GATAD2A: variants seen among roughly 807,000 people sequenced by gnomAD.
GATAD2A encodes the protein transcriptional repressor p66-alpha.
GATAD2A carries 12 observed loss-of-function variants against 68.5 expected under a neutral mutation model. The ratio of observed to expected loss-of-function variants is 0.18; its 90% confidence interval spans 0.11 to 0.28. The LOEUF is 0.28. Ranked by LOEUF, GATAD2A falls within the 10% of genes least tolerant of loss-of-function variation. The probability of loss-of-function intolerance (pLI) is 1.00; values close to 1 mark genes in which losing one functional copy is unlikely to be tolerated. For synonymous variants in GATAD2A, 410 were observed against 375.3 expected, an observed-to-expected ratio of 1.09 and a Z score of -1.07; for missense variants, 755 against 868.5, an observed-to-expected ratio of 0.87 and a Z score of 1.64.
intron 1 of GATAD2A, chr19:19,436,261 C>T (rs774509369): frequency 1.2e-5 from 13 of 1,092,196 alleles, no homozygotes; most frequent in Admixed American, 9.6e-5. Flanking sequence ...GAAGGTTCCA[C>T]GCATCCAGCA....
At chr19:19,410,926 G>A (rs902020660) in intron 1 of GATAD2A, among the ~76,000 whole-genome samples, 1 of 152,178 alleles carries the variant, frequency 6.6e-6, no homozygotes. Flanking sequence ...GCAAATGATC[G>A]ACCCCAGTGC....
chr19:19,433,387 G>A (rs1367254321), intron 1 of GATAD2A, among the ~76,000 whole-genome samples: 2 of 152,106 alleles, frequency 1.3e-5, no homozygotes, highest in Non-Finnish European at 2.9e-5. Context: ...CCAAATTTGT[G>A]CCTGTTTTTC....
chr19:19,399,275 T>A (rs1203407505), intron 1 of GATAD2A, among the ~76,000 whole-genome samples: 5 of 152,002 alleles, frequency 3.3e-5, no homozygotes, highest in African/African-American at 7.2e-5. Context: ...AGGGTCTCAT[T>A]CTGTTGCCCA....
chr19:19,445,853 A>G (rs867564825), intron 1 of GATAD2A, among the ~76,000 whole-genome samples: 2 of 152,256 alleles, frequency 1.3e-5, no homozygotes, highest in South Asian at 2.1e-4. Context: ...CTTTTTGGCT[A>G]TTGTGGATAA....
In GATAD2A at chr19:19,399,379, C is replaced by T. The variant is rs145100703; in HGVS notation, c.-7+13241C>T. Among the ~76,000 whole-genome samples, 59 of 151,966 alleles carry T rather than the reference C, an allele frequency of 3.9e-4. No individual in the cohort carries two copies. In the East Asian group the frequency reaches 4.5e-3, roughly 11 times the overall value. On this transcript the variant is annotated intron_variant, in intron 1 of 11. Coordinates refer to the GATAD2A transcript ENST00000360315. ...ATTTTTGTATTCTTTTTTGTAGGGA[C>T]GGGGTTTTGCCATGTTGCCCAGGCT...
At chr19:19,492,485 C>G in intron 3 of GATAD2A, 47 bp downstream of exon 3, 1 of 1,612,914 alleles carries the variant, frequency 6.2e-7, no homozygotes, top group Non-Finnish European at 8.5e-7. Context: ...TGTGCCCTTC[C>G]TACTCATGAC....
intron 1 of GATAD2A, among the ~76,000 whole-genome samples, chr19:19,424,662 C>A (rs1156251446): frequency 2.0e-5 from 3 of 152,114 alleles, no homozygotes; most frequent in Non-Finnish European, 2.9e-5. Flanking sequence ...CATGAGCCAT[C>A]ATGCCTGGCC....
chr19:19,475,183 G>A (rs985069040), intron 2 of GATAD2A, among the ~76,000 whole-genome samples: 2 of 152,218 alleles, frequency 1.3e-5, no homozygotes, highest in Non-Finnish European at 2.9e-5. Context: ...CTGTCTACAG[G>A]AATGCACGTC....
At chr19:19,446,275 C>G (rs1326611157) in intron 1 of GATAD2A, among the ~76,000 whole-genome samples, 1 of 152,186 alleles carries the variant, frequency 6.6e-6, no homozygotes, top group African/African-American at 2.4e-5. Flanking sequence ...TCCCTCATGA[C>G]TAATGACACT....
intron 1 of GATAD2A, among the ~76,000 whole-genome samples, chr19:19,422,794 C>G (rs936412528): frequency 6.6e-6 from 1 of 151,538 alleles, no homozygotes; most frequent in Non-Finnish European, 1.5e-5. Context: ...TCACTGCAAG[C>G]TCCGCCTCCC....
chr19:19,392,414 A>G (rs1283584365), intron 1 of GATAD2A, among the ~76,000 whole-genome samples: 4 of 143,484 alleles, frequency 2.8e-5, no homozygotes, highest in Non-Finnish European at 6.0e-5. Flanking sequence ...TTTTTTCCAG[A>G]CAGAGTCTCG....
At chr19:19,396,100 C>T (rs191851308) in intron 1 of GATAD2A, among the ~76,000 whole-genome samples, 7 of 152,196 alleles carry the variant, frequency 4.6e-5, no homozygotes, top group East Asian at 1.9e-4. Flanking sequence ...GCGGGTGGAT[C>T]GCCTGAGGTC....
chr19:19,414,837 CTTTTT>C (rs56353005), intron 1 of GATAD2A, among the ~76,000 whole-genome samples: 1 of 74,772 alleles, frequency 1.3e-5, no homozygotes, highest in African/African-American at 6.5e-5. Context: ...ACCCTGCCCC[CTTTTT>C]TTTTTTTTTT....
chr19:19,492,402 G>A lies in GATAD2A; in HGVS notation c.366G>A (p.Thr122=), dbSNP rs200642852. Residue 122 remains threonine (T), a synonymous_variant, in exon 3 of 12, where the codon ACG becomes ACA. Coordinates refer to ENST00000683918, the MANE Select transcript of GATAD2A (RefSeq NM_001384528.1). ...GCCCGAGAGTGAATGGGCTGACCACGGTGGCCTTGAAGGAGACTAGCACCG... is the reference window on the plus strand; with the variant it reads ...GCCCGAGAGTGAATGGGCTGACCACAGTGGCCTTGAAGGAGACTAGCACCG... ...PSSPRVNGLT[T]VALKETSTEA... is the part of the protein sequence containing the mutation. 98 of 1,613,802 alleles carry A rather than the reference G, an allele frequency of 6.1e-5. No homozygotes were observed. In the East Asian group the frequency reaches 2.0e-3, roughly 33 times the overall value.
chr19:19,471,110 G>A (rs969671984), intron 2 of GATAD2A, among the ~76,000 whole-genome samples: 1 of 152,108 alleles, frequency 6.6e-6, no homozygotes, highest in Non-Finnish European at 1.5e-5. Flanking sequence ...ACAGAAATTT[G>A]CCTGGTGTGG....
intron 1 of GATAD2A, among the ~76,000 whole-genome samples, chr19:19,415,351 C>T (rs2051475967): frequency 6.6e-6 from 1 of 151,636 alleles, no homozygotes; most frequent in South Asian, 2.1e-4. Context: ...AGGGTTTCTT[C>T]TCCATGTTGG....
chr19:19,483,991 G>A (rs769753955), intron 2 of GATAD2A, among the ~76,000 whole-genome samples: 64 of 151,976 alleles, frequency 4.2e-4, no homozygotes, highest in Non-Finnish European at 8.7e-4. Flanking sequence ...TATCAGCTGA[G>A]TGTCTCTGAG....
At chr19:19,433,232 G>T (rs1033867305) in intron 1 of GATAD2A, among the ~76,000 whole-genome samples, 2 of 152,140 alleles carry the variant, frequency 1.3e-5, no homozygotes, top group South Asian at 2.1e-4. Flanking sequence ...TTGTGTTCAC[G>T]CAGAGTAGGG....
chr19:19,412,035 TC>T (rs1386956204), intron 1 of GATAD2A, among the ~76,000 whole-genome samples: 7 of 151,234 alleles, frequency 4.6e-5, no homozygotes, highest in Admixed American at 4.0e-4. Context: ...GCCCAGTAGT[TC>T]GAGACCCGCC....
Sources: allele counts gnomAD v4.1 joint callset (sites outside exome capture counted in the v4.1 genomes callset), GRCh38; gene constraint gnomAD v4.1.1; transcripts MANE v1.5; gene names NCBI Gene and HGNC (gene_info 2026-07-23, HGNC 2026-07-21).